The following SLC1A1 variants were observed in gnomAD, a reference collection of about 807,000 sequenced individuals.
SLC1A1 encodes the protein solute carrier family 1 member 1, also known as excitatory amino acid transporter 3.
A neutral mutation model predicts 53.3 loss-of-function variants in SLC1A1; 43 were observed. The ratio of observed to expected loss-of-function variants is 0.81; its 90% CI spans 0.63 to 1.04. The LOEUF (loss-of-function observed/expected upper bound fraction) is 1.04, where lower values mean the gene tolerates loss of function less well. Among genes scored for constraint, SLC1A1 ranks in the 50% least tolerant of loss-of-function variants. The probability of loss-of-function intolerance (pLI) is 0.00; values close to 1 mark genes in which losing one functional copy is unlikely to be tolerated. For synonymous variants in SLC1A1, 307 were observed against 243.2 expected, an observed-to-expected ratio of 1.26 and a Z score of -2.44; for missense variants, 748 against 664.9, an observed-to-expected ratio of 1.12 and a Z score of -1.37.
chr9:4,582,593 T>C (rs1416672668), intron 10 of SLC1A1, among the ~76,000 whole-genome samples: 2 of 152,186 alleles, frequency 1.3e-5, no homozygotes, highest in Non-Finnish European at 2.9e-5. Context: ...CAGTAAATTA[T>C]TGGGTGGTGA....
At position 4,583,153 on chromosome 9, in the gene SLC1A1, A is replaced by G. The variant is rs1476196955; in HGVS notation, c.1309A>G (p.Ile437Val). Residue 437 changes from isoleucine (I) to valine (V), a missense_variant, in exon 11 of 12, where the codon ATT becomes GTT. Coordinates refer to ENST00000262352, the MANE Select transcript of SLC1A1 (RefSeq NM_004170.6). The surrounding 1 kb of genome is among the most constrained non-coding windows in gnomAD (Gnocchi z 4.6). The part of the protein sequence containing the change: ...GLPAEDVTLI[I>V]AVDWLLDRFR... ...GCCCGCCGAGGATGTCACCCTGATC[A>G]TTGCTGTCGACTGGCTCCTGTGAGT... 12 of 1,614,186 alleles carry G rather than the reference A, an allele frequency of 7.4e-6. No homozygotes were observed. Among genetic ancestry groups the G allele is most frequent in the Admixed American group, 1.7e-5 (1 of 60,028 alleles).
rs1248262709 is a variant in SLC1A1, at chr9:4,583,924, G to T, written c.1328+752G>T. Among the ~76,000 whole-genome samples, 1 of 146,038 alleles carries T rather than the reference G, an allele frequency of 6.8e-6. No individual in the cohort carries two copies. The highest frequency in any genetic ancestry group is 2.0e-4 in the East Asian group (1 of 5,018). On this transcript the variant is annotated intron_variant, in intron 11 of 11. Coordinates refer to ENST00000262352, the MANE Select transcript of SLC1A1 (RefSeq NM_004170.6). This position sits in a 1 kb window ranked among gnomAD's most constrained non-coding sequence, Gnocchi z 4.6. ...CACACACACACACATATGGAATACA[G>T]CAGAACATCTGGGTGAGAAAGTACC...
Position 4,544,800 on chromosome 9 carries a change from G to A in SLC1A1, c.232+93G>A, listed in dbSNP as rs576426062. Reference sequence around the variant, plus strand: ...ACTAGGTAATTTATAAAGGAAAGAGGTTTAATTGACTCACAGTTCATCCTG... The same window carrying A: ...ACTAGGTAATTTATAAAGGAAAGAGATTTAATTGACTCACAGTTCATCCTG... On this transcript the variant is annotated intron_variant, in intron 2 of 11. Coordinates refer to ENST00000262352, the MANE Select transcript of SLC1A1 (RefSeq NM_004170.6). 3.3e-5 allele frequency: 36 copies of A among 1,088,382 alleles called. No individual in the cohort carries two copies. The African/African-American group carries it at 4.6e-4, about 14-fold the overall frequency. The allele number at this position is 1,088,382 out of a possible 1,614,324, so 67.4% of individuals were successfully genotyped here.
At chr9:4,579,928 A>G (rs1012653051) in intron 10 of SLC1A1, among the ~76,000 whole-genome samples, 15 of 152,176 alleles carry the variant, frequency 9.9e-5, no homozygotes, top group Non-Finnish European at 2.9e-5. Flanking sequence ...TTGTCTTATA[A>G]AAATAATTAG....
In SLC1A1 at chr9:4,582,822, G is replaced by C. The variant is rs368573026; in HGVS notation, c.1194-216G>C. Among the ~76,000 whole-genome samples, 119 of 152,224 alleles carry C rather than the reference G, an allele frequency of 7.8e-4. 1 individual carries two copies. The highest frequency in any genetic ancestry group is 2.7e-3 in the African/African-American group (113 of 41,538). Reference sequence around the variant, plus strand: ...GATGTGCCATATCTCCGTCTGCAAGGAGATGGCATCATACCCCTCATAGTC... The same window carrying C: ...GATGTGCCATATCTCCGTCTGCAAGCAGATGGCATCATACCCCTCATAGTC... On this transcript the variant is annotated intron_variant, in intron 10 of 11. Transcript: ENST00000262352.
chr9:4,533,208 T>A (rs1042478459), intron 1 of SLC1A1, among the ~76,000 whole-genome samples: 1 of 152,136 alleles, frequency 6.6e-6, no homozygotes. Context: ...AATTCACACA[T>A]AGCAATATTA....
chr9:4,565,898 C>A, intron 4 of SLC1A1, 149 bp from the exon 5 acceptor site: 1 of 704,440 alleles, frequency 1.4e-6, no homozygotes, highest in Non-Finnish European at 2.5e-6. Context: ...AAAAAGAAAT[C>A]TCAATACAAG....
chr9:4,523,611 G>A (rs1233509400), intron 1 of SLC1A1, among the ~76,000 whole-genome samples: 1 of 152,174 alleles, frequency 6.6e-6, no homozygotes, highest in Non-Finnish European at 1.5e-5. Context: ...TGACTCTGCT[G>A]CTCCTTAACT....
chr9:4,510,507 T>C (rs1003000167), intron 1 of SLC1A1, among the ~76,000 whole-genome samples: 3 of 152,180 alleles, frequency 2.0e-5, no homozygotes, highest in South Asian at 2.1e-4. Flanking sequence ...TCAGATACCA[T>C]AAGAGTCTAG....
At chr9:4,575,285 G>A (rs183778747) in intron 8 of SLC1A1, among the ~76,000 whole-genome samples, 395 of 152,252 alleles carry the variant, frequency 2.6e-3, no homozygotes, top group Non-Finnish European at 3.3e-3. Flanking sequence ...ATCTATCTGT[G>A]AAATGAGTCT....
intron 1 of SLC1A1, among the ~76,000 whole-genome samples, chr9:4,544,066 C>G (rs188361793): frequency 6.6e-6 from 1 of 152,132 alleles, no homozygotes; most frequent in Non-Finnish European, 1.5e-5. Flanking sequence ...GTCCTAGCTA[C>G]TCGGGAGGCT....
chr9:4,504,437 C>A (rs1820732839), intron 1 of SLC1A1, among the ~76,000 whole-genome samples: 1 of 152,218 alleles, frequency 6.6e-6, no homozygotes, highest in Non-Finnish European at 1.5e-5. Context: ...AGACTTTGAA[C>A]AACTGCGTGG....
At chr9:4,568,730 A>T (rs1022961506) in intron 6 of SLC1A1, among the ~76,000 whole-genome samples, 1 of 151,676 alleles carries the variant, frequency 6.6e-6, no homozygotes, top group African/African-American at 2.4e-5. Context: ...ACAAAAAAGC[A>T]TCATATTGAA....
At chr9:4,557,318 T>G (rs1344909912) in intron 2 of SLC1A1, among the ~76,000 whole-genome samples, 1 of 152,226 alleles carries the variant, frequency 6.6e-6, no homozygotes, top group Non-Finnish European at 1.5e-5. Context: ...TCCTTTCCCC[T>G]GCCCATGCTT....
intron 1 of SLC1A1, among the ~76,000 whole-genome samples, chr9:4,509,045 G>A (rs184247256): frequency 3.7e-4 from 56 of 152,304 alleles, no homozygotes; most frequent in African/African-American, 1.3e-3. Flanking sequence ...GACAGCCTAG[G>A]AAAGGCTTTC....
In SLC1A1 at chr9:4,567,726, G is replaced by A. The variant is rs776025587; in HGVS notation, c.541G>A (p.Glu181Lys). Residue 181 changes from glutamate to lysine, a missense_variant, in exon 6 of 12, where the codon GAA becomes AAA. Physicochemically the swap from Glu to Lys is moderately conservative, Grantham distance 56. Coordinates refer to ENST00000262352, the MANE Select transcript of SLC1A1 (RefSeq NM_004170.6). The part of the protein sequence containing the change: ...PPSDPEMNMT[E>K]ESFTAVMTTA... ...CAGCGATCCAGAGATGAACATGACA[G>A]AAGAGTCCTTCACAGCTGTCATGAC... 1 of 1,613,300 alleles carries A rather than the reference G, an allele frequency of 6.2e-7. No individual in the cohort carries two copies. The highest frequency in any genetic ancestry group is 2.2e-5 in the East Asian group (1 of 44,884).
intron 1 of SLC1A1, among the ~76,000 whole-genome samples, chr9:4,541,191 C>T (rs922206707): frequency 1.3e-5 from 2 of 152,066 alleles, no homozygotes; most frequent in Admixed American, 6.5e-5. Context: ...TCTTGTCAAC[C>T]TGAAATAATC....
intron 2 of SLC1A1, among the ~76,000 whole-genome samples, chr9:4,560,829 C>G (rs1818863326): frequency 6.6e-6 from 1 of 152,030 alleles, no homozygotes; most frequent in Non-Finnish European, 1.5e-5. Flanking sequence ...AACCTCATCT[C>G]TACTAACAAT....
intron 1 of SLC1A1, among the ~76,000 whole-genome samples, chr9:4,522,450 C>A (rs1336218383): frequency 6.6e-6 from 1 of 152,204 alleles, no homozygotes; most frequent in African/African-American, 2.4e-5. Flanking sequence ...GCACATCTCA[C>A]ATGGTTATTC....
Sources: gnomAD v4.1 joint callset for allele counts (sites outside exome capture counted in the v4.1 genomes callset) on GRCh38, gnomAD v4.1.1 for gene constraint, Gnocchi (gnomAD v3.1) non-coding constraint, MANE v1.5 for transcripts, NCBI Gene and HGNC (gene_info 2026-07-23, HGNC 2026-07-21) for gene names.